The following LARP1 variants were observed in gnomAD, a reference collection of about 807,000 sequenced individuals.
LARP1 encodes La ribonucleoprotein 1, translational regulator.
In LARP1, 36 loss-of-function variants were observed where a neutral mutation model predicts 122.7. The observed-to-expected ratio is 0.29, with a 90% CI of 0.22 to 0.39. LARP1 has a LOEUF of 0.39. Ranked by LOEUF, LARP1 falls within the 10% of genes least tolerant of loss-of-function variation. LARP1 has a pLI of 1.00. For missense variants in LARP1, 1,040 were observed against 1,403.6 expected (o/e 0.74, Z 4.14); for synonymous variants, 539 against 528.7 (o/e 1.02, Z -0.27).
chr5:154,813,294 T>C (rs546950425), intron 18 of LARP1, among the ~76,000 whole-genome samples: 115 of 152,246 alleles, frequency 7.6e-4, no homozygotes, highest in African/African-American at 2.7e-3. Context: ...AAGGACTCAG[T>C]TTTGGTTCCC....
chr5:154,687,262 A>G (rs184654640), intron 1 of LARP1, among the ~76,000 whole-genome samples: 1 of 152,260 alleles, frequency 6.6e-6, no homozygotes, highest in Non-Finnish European at 1.5e-5. Flanking sequence ...ATTGGAGAAC[A>G]TAGAAAAATA....
chr5:154,759,458 C>G (rs1754268630), intron 1 of LARP1, among the ~76,000 whole-genome samples: 1 of 152,130 alleles, frequency 6.6e-6, no homozygotes, highest in African/African-American at 2.4e-5. Context: ...TTAAAGGTTG[C>G]TGACTCTTAA....
At chr5:154,791,299 C>T (rs1561608041) in intron 3 of LARP1, among the ~76,000 whole-genome samples, 1 of 151,950 alleles carries the variant, frequency 6.6e-6, no homozygotes, top group Non-Finnish European at 1.5e-5. Context: ...CTGCAACCTC[C>T]ACCTCCCAGG....
chr5:154,748,844 C>T (rs183852801), intron 1 of LARP1, among the ~76,000 whole-genome samples: 105 of 152,294 alleles, frequency 6.9e-4, no homozygotes, highest in African/African-American at 2.4e-3. Context: ...CATGACCTCA[C>T]TATTAATAGC....
intron 1 of LARP1, among the ~76,000 whole-genome samples, chr5:154,707,705 T>C (rs1338148223): frequency 6.6e-6 from 1 of 152,162 alleles, no homozygotes; most frequent in Non-Finnish European, 1.5e-5. Flanking sequence ...CTATTATTAT[T>C]ATATTGTAAT....
intron 4 of LARP1, 30 bp from the exon 5 acceptor site, chr5:154,793,565 C>A: frequency 1.2e-6 from 2 of 1,613,972 alleles, no homozygotes; most frequent in Non-Finnish European, 1.7e-6. Context: ...CTCCCTCAAG[C>A]CTTTCTCATG....
In LARP1 at chr5:154,804,277, G is replaced by A. The variant is rs761027395; in HGVS notation, c.2516G>A (p.Arg839His). 7 of 1,614,086 alleles carry A rather than the reference G, an allele frequency of 4.3e-6. No individual in the cohort carries two copies. In the South Asian group the frequency reaches 4.4e-5, roughly 10 times the overall value. The change falls in exon 14 of 19, where the codon CGT (arginine) becomes CAT (histidine). Residue 839 changes from arginine (R) to histidine (H), a missense_variant. Physicochemically the swap from Arg to His is conservative, Grantham distance 29 (BLOSUM62 0). Coordinates refer to ENST00000518297, the MANE Select transcript of LARP1 (RefSeq NM_033551.3). Reference protein sequence around the residue: ...ESHVGWVMDSREHRPRTASIS... With the variant: ...ESHVGWVMDSHEHRPRTASIS... ...CATGTGGGCTGGGTGATGGATTCCC[G>A]TGAGCACAGGCCCCGTACTGCTTCC...
At chr5:154,708,831 G>A (rs1392522666), upstream of LARP1, among the ~76,000 whole-genome samples, 1 of 152,024 alleles carries the variant, frequency 6.6e-6, no homozygotes, top group Admixed American at 6.6e-5. Flanking sequence ...GGCTGGTCTC[G>A]AACTTCCGAC....
intron 1 of LARP1, among the ~76,000 whole-genome samples, chr5:154,760,020 A>G (rs1754321584): frequency 6.7e-6 from 1 of 149,634 alleles, no homozygotes; most frequent in Non-Finnish European, 1.5e-5. Context: ...GCCCACTGCA[A>G]CCTCCACCTC....
chr5:154,781,451 G>A (rs1756429130), intron 1 of LARP1, among the ~76,000 whole-genome samples: 1 of 152,094 alleles, frequency 6.6e-6, no homozygotes, highest in African/African-American at 2.4e-5. Flanking sequence ...AAATTAGCTG[G>A]GCATGGTGAC....
chr5:154,692,428 A>G (rs1754266352), intron 1 of LARP1, among the ~76,000 whole-genome samples: 1 of 151,884 alleles, frequency 6.6e-6, no homozygotes, highest in Non-Finnish European at 1.5e-5. Flanking sequence ...CACTCAACTC[A>G]CCCTAAGTGC....
chr5:154,683,606 TTC>T (rs1753791553), intron 1 of LARP1, among the ~76,000 whole-genome samples: 3 of 152,174 alleles, frequency 2.0e-5, no homozygotes, highest in Non-Finnish European at 4.4e-5. Context: ...TCCTTTGTGT[TTC>T]CTGCCAGGCC....
intron 14 of LARP1, among the ~76,000 whole-genome samples, chr5:154,804,535 C>G (rs1260986799): frequency 1.3e-5 from 2 of 152,182 alleles, no homozygotes; most frequent in Admixed American, 6.5e-5. Flanking sequence ...GATTTTCATA[C>G]ATGCAGAGAG....
At chr5:154,698,552 A>G (rs1754577066) in intron 1 of LARP1, among the ~76,000 whole-genome samples, 1 of 152,180 alleles carries the variant, frequency 6.6e-6, no homozygotes, top group Non-Finnish European at 1.5e-5. Context: ...AGCTGAGATC[A>G]CACCACTGCA....
chr5:154,796,080 TATTA>T (rs1339199454), intron 8 of LARP1, among the ~76,000 whole-genome samples: 1 of 118,470 alleles, frequency 8.4e-6, no homozygotes, highest in Non-Finnish European at 1.6e-5. Flanking sequence ...ATAGTATATA[TATTA>T]TATATATATT....
At chr5:154,776,870 C>T (rs1306876544) in intron 1 of LARP1, among the ~76,000 whole-genome samples, 1 of 152,194 alleles carries the variant, frequency 6.6e-6, no homozygotes, top group Non-Finnish European at 1.5e-5. Context: ...AGTTTAGTAA[C>T]ATTTCTTTTG....
At chr5:154,735,899 A>G (rs1756869282) in intron 1 of LARP1, among the ~76,000 whole-genome samples, 1 of 151,930 alleles carries the variant, frequency 6.6e-6, no homozygotes, top group East Asian at 1.9e-4. Context: ...ATTATTTTAA[A>G]AAGTTTTACA....
intron 16 of LARP1, among the ~76,000 whole-genome samples, chr5:154,809,223 G>A (rs780281771): frequency 4.6e-5 from 7 of 151,398 alleles, no homozygotes; most frequent in South Asian, 4.2e-4. Flanking sequence ...CCAGCGCTTC[G>A]GGAGGTCAAG....
At chr5:154,732,631 G>A (rs1385379799) in intron 1 of LARP1, among the ~76,000 whole-genome samples, 1 of 152,086 alleles carries the variant, frequency 6.6e-6, no homozygotes, top group African/African-American at 2.4e-5. Flanking sequence ...CCCTGTGTTT[G>A]GAATTCCCAG....
Sources: allele counts gnomAD v4.1 joint callset (sites outside exome capture counted in the v4.1 genomes callset), GRCh38; gene constraint gnomAD v4.1.1; transcripts MANE v1.5; gene names NCBI Gene and HGNC (gene_info 2026-07-23, HGNC 2026-07-21).